GPHN: variants seen among roughly 807,000 people sequenced by gnomAD.
The protein encoded by GPHN is gephyrin.
GPHN carries 17 observed loss-of-function variants against 95.5 expected under a neutral mutation model. The observed-to-expected ratio is 0.18, with a 90% confidence interval of 0.12 to 0.27. The LOEUF (loss-of-function observed/expected upper bound fraction) is 0.27. Ranked by LOEUF, GPHN falls within the 10% of genes least tolerant of loss-of-function variation. The pLI, the probability that GPHN is intolerant of heterozygous loss-of-function variation, is 1.00. For synonymous variants in GPHN, 320 were observed against 322.5 expected (o/e 0.99, Z 0.08); for missense variants, 660 against 978.1 (o/e 0.67, Z 4.34).
chr14:67,411,946 T>A, the GPHN span: 1 of 1,371,964 alleles, frequency 7.3e-7, no homozygotes, highest in Non-Finnish European at 9.9e-7. Flanking sequence ...GGCGCGCGTC[T>A]GGCCCCGCTC....
At chr14:67,607,535 G>A in the GPHN span, among the ~76,000 whole-genome samples, 61 of 152,152 alleles carry the variant, frequency 4.0e-4, 1 homozygote, top group South Asian at 0.012. Context: ...GCCAGTTAAT[G>A]TTTGTATTTT....
At chr14:67,360,551 C>T in the GPHN span, 1 of 226,470 alleles carries the variant, frequency 4.4e-6, no homozygotes, top group Non-Finnish European at 8.5e-6. Context: ...GGGCTAATAC[C>T]TCCCTTTCCC....
At chr14:67,601,034 T>G in the GPHN span, among the ~76,000 whole-genome samples, 1 of 152,232 alleles carries the variant, frequency 6.6e-6, no homozygotes, top group African/African-American at 2.4e-5. Flanking sequence ...ACGATGTTGA[T>G]GACAGTCTCT....
chr14:66,815,766 C>T (rs1229603500), intron 3 of GPHN, among the ~76,000 whole-genome samples: 1 of 152,082 alleles, frequency 6.6e-6, no homozygotes, highest in Non-Finnish European at 1.5e-5. Context: ...TGCAAAGTAA[C>T]CAGCTAACAT....
the GPHN span, among the ~76,000 whole-genome samples, chr14:67,513,765 T>A: frequency 1.3e-5 from 2 of 152,066 alleles, no homozygotes; most frequent in Non-Finnish European, 2.9e-5. Flanking sequence ...GGGAAGCAGA[T>A]GTATCTGTCT....
chr14:67,565,461 TCTCAAACTCCTGGC>T, the GPHN span, among the ~76,000 whole-genome samples: 1 of 152,066 alleles, frequency 6.6e-6, no homozygotes, highest in Non-Finnish European at 1.5e-5. Flanking sequence ...CCCAGGCTAG[TCTCAAACTCCTGGC>T]CTCAAGTGAT....
chr14:67,353,004 T>G, the GPHN span: 1 of 1,614,102 alleles, frequency 6.2e-7, no homozygotes, highest in South Asian at 1.1e-5. Context: ...GACCTGTCTG[T>G]GCTCCCTTTA....
chr14:67,153,944 A>G (rs902647183), intron 18 of GPHN, among the ~76,000 whole-genome samples: 4 of 152,246 alleles, frequency 2.6e-5, no homozygotes, highest in African/African-American at 4.8e-5. Flanking sequence ...TCACAGGAGC[A>G]TGAAGCACTT....
At chr14:67,587,890 G>C in the GPHN span, 2,157 of 152,964 alleles carry the variant, frequency 0.014, 55 homozygotes, top group South Asian at 0.098. Context: ...ATTTATACTT[G>C]AAGTTTTGTG....
chr14:67,245,056 T>A, the GPHN span, among the ~76,000 whole-genome samples: 6 of 152,166 alleles, frequency 3.9e-5, no homozygotes, highest in Non-Finnish European at 8.8e-5. Flanking sequence ...ATATGAGTGG[T>A]GTCTAGAATC....
chr14:67,451,542 T>A, the GPHN span, among the ~76,000 whole-genome samples: 4 of 152,152 alleles, frequency 2.6e-5, no homozygotes, highest in Non-Finnish European at 5.9e-5. Context: ...TCAAAAGAGA[T>A]CATTTTGGAG....
intron 13 of GPHN, among the ~76,000 whole-genome samples, chr14:67,108,976 G>A (rs769699246): frequency 5.3e-5 from 8 of 151,962 alleles, no homozygotes; most frequent in Non-Finnish European, 7.4e-5. Context: ...CTTGTTGTCC[G>A]ACCATCATAG....
At chr14:67,154,982 A>G (rs955355454) in intron 18 of GPHN, among the ~76,000 whole-genome samples, 1 of 152,174 alleles carries the variant, frequency 6.6e-6, no homozygotes, top group Non-Finnish European at 1.5e-5. Context: ...TTTTTCCTCA[A>G]AGCATTTACT....
In GPHN at chr14:66,764,196, TC is replaced by T. The variant is rs1318954439; in HGVS notation, c.144-12266del. ...AAAAATTGTCTTCCATGAAACCAGT[TC>T]CTGGTGCCAAAAAGTTTGGGAACCA... On this transcript the variant is annotated intron_variant, in intron 2 of 22. Coordinates refer to ENST00000478722, the MANE Select transcript of GPHN (RefSeq NM_020806.5). Among the ~76,000 whole-genome samples the T allele has an allele frequency of 2.6e-5, 4 of 152,292 alleles. No individual in the cohort carries two copies. The East Asian group carries it at 7.7e-4, about 29-fold the overall frequency.
At chr14:67,149,762 C>G (rs1285736654) in intron 18 of GPHN, among the ~76,000 whole-genome samples, 3 of 152,166 alleles carry the variant, frequency 2.0e-5, no homozygotes, top group African/African-American at 7.2e-5. Flanking sequence ...TTTTAGCAGA[C>G]TAGCAAAGCT....
chr14:66,659,603 G>A (rs2065519745), intron 1 of GPHN, among the ~76,000 whole-genome samples: 1 of 151,750 alleles, frequency 6.6e-6, no homozygotes, highest in African/African-American at 2.4e-5. Context: ...CAGCTTTGTT[G>A]TTTGTTATAT....
the GPHN span, chr14:67,302,126 T>G: frequency 1.3e-6 from 2 of 1,589,012 alleles, no homozygotes; most frequent in Non-Finnish European, 8.5e-7. Context: ...TTGGTAAGTG[T>G]CCCACATACT....
At chr14:67,332,197 T>C in the GPHN span, among the ~76,000 whole-genome samples, 3 of 152,178 alleles carry the variant, frequency 2.0e-5, no homozygotes, top group South Asian at 6.2e-4. Context: ...TCAGGATAAG[T>C]TTTGCACATA....
intron 18 of GPHN, among the ~76,000 whole-genome samples, chr14:67,148,974 GA>G: frequency 6.6e-6 from 1 of 152,238 alleles, no homozygotes; most frequent in South Asian, 2.1e-4. Context: ...CAGATTGAGT[GA>G]ATCAGATATG....
Sources: allele counts gnomAD v4.1 joint callset (sites outside exome capture counted in the v4.1 genomes callset), GRCh38; gene constraint gnomAD v4.1.1; transcripts MANE v1.5; gene names NCBI Gene and HGNC (gene_info 2026-07-23, HGNC 2026-07-21).